The following PCLO variants were observed in gnomAD, a reference collection of about 807,000 sequenced individuals.
PCLO encodes the protein piccolo presynaptic cytomatrix protein, also known as protein piccolo.
Under a neutral mutation model 427.5 loss-of-function variants are expected in PCLO, and 82 were observed. That is an observed-to-expected ratio of 0.19 (90% confidence interval 0.16 to 0.23). The LOEUF is 0.23. Among genes scored for constraint, PCLO ranks in the 10% least tolerant of loss-of-function variants. The probability of loss-of-function intolerance (pLI) is 1.00; values close to 1 mark genes in which losing one functional copy is unlikely to be tolerated. For missense variants in PCLO, 6,239 were observed against 6,115.9 expected (o/e 1.02, Z -0.67); for synonymous variants, 2,357 against 2,155.4 (o/e 1.09, Z -2.59).
At chr7:83,095,773 T>G (rs1584016891) in intron 3 of PCLO, among the ~76,000 whole-genome samples, 2 of 152,114 alleles carry the variant, frequency 1.3e-5, no homozygotes. Flanking sequence ...TGTATTTCCA[T>G]GTAGCTAGAG....
chr7:83,044,161 A>C (rs1356392957), intron 3 of PCLO, among the ~76,000 whole-genome samples: 4 of 151,964 alleles, frequency 2.6e-5, no homozygotes, highest in Admixed American at 1.3e-4. Context: ...GGAAACTGCC[A>C]CTTTTAAAAC....
At position 82,949,643 on chromosome 7, in the gene PCLO, C is replaced by T. The variant is rs765735557; in HGVS notation, c.10945G>A (p.Asp3649Asn). The change falls in exon 6 of 25, where the codon GAT (aspartate) becomes AAT (asparagine). Residue 3649 changes from aspartate to asparagine, a missense_variant. By Grantham distance (23) the Asp-to-Asn change is conservative. This residue lies in a region of PCLO where 4,677 missense variants were observed against 4,468.4 expected (regional missense o/e 1.05). Transcript: ENST00000333891. ...AGTACTTTCTGTGGACTTATATCATCAGGGAGGGGTTTTTCATAAGGTACA... is the reference window on the plus strand; with the variant it reads ...AGTACTTTCTGTGGACTTATATCATTAGGGAGGGGTTTTTCATAAGGTACA... ...AFVPYEKPLP[D>N]DISPQKVLHP... The T allele has an allele frequency of 5.6e-6, 9 of 1,613,672 alleles. No individual in the cohort carries two copies. The Admixed American group carries it at 1.3e-4, about 24-fold the overall frequency.
intron 3 of PCLO, among the ~76,000 whole-genome samples, chr7:83,089,108 AG>A (rs1790311993): frequency 6.6e-6 from 1 of 151,950 alleles, no homozygotes; most frequent in South Asian, 2.1e-4. Flanking sequence ...TTTGGAAAGA[AG>A]GTATTCTCAT....
intron 3 of PCLO, among the ~76,000 whole-genome samples, chr7:83,118,057 G>A (rs1001604792): frequency 3.9e-5 from 6 of 152,100 alleles, no homozygotes; most frequent in African/African-American, 1.4e-4. Flanking sequence ...ACAAATCAGA[G>A]TACAAAGGAT....
Position 82,954,700 on chromosome 7 carries a change from C to A in PCLO, c.6253G>T (p.Ala2085Ser), listed in dbSNP as rs1432005692. The change falls in exon 5 of 25, where the codon GCC becomes TCC. Residue 2085 changes from alanine (A) to serine (S), a missense_variant. Ala to Ser is a moderately conservative substitution (Grantham distance 99). Transcript: ENST00000333891. Reference sequence around the variant, plus strand: ...TCTGTCATATCCTCACCAATGGGGGCCTGGGTTGGGCTAGATCCAGGTGTT... The same window carrying A: ...TCTGTCATATCCTCACCAATGGGGGACTGGGTTGGGCTAGATCCAGGTGTT... ...QLTPGSSPTQ[A>S]PIGEDMTEST... 1 of 1,613,684 alleles carries A rather than the reference C, an allele frequency of 6.2e-7. No homozygotes were observed. Among genetic ancestry groups the A allele is most frequent in the East Asian group, 2.2e-5 (1 of 44,880 alleles).
At chr7:83,117,673 T>C (rs538158189) in intron 3 of PCLO, among the ~76,000 whole-genome samples, 1 of 152,248 alleles carries the variant, frequency 6.6e-6, no homozygotes, top group South Asian at 2.1e-4. Flanking sequence ...CCATATTGCA[T>C]CACCCCCATG....
chr7:83,072,090 T>TA (rs1407147169), intron 3 of PCLO, among the ~76,000 whole-genome samples: 1 of 151,914 alleles, frequency 6.6e-6, no homozygotes, highest in Non-Finnish European at 1.5e-5. Flanking sequence ...AAACATTTTC[T>TA]AAAAAACAAT....
chr7:82,923,886 T>C (rs1174783222), intron 6 of PCLO, among the ~76,000 whole-genome samples: 1 of 152,024 alleles, frequency 6.6e-6, no homozygotes, highest in African/African-American at 2.4e-5. Flanking sequence ...GACCAGATGA[T>C]TCTATATTGT....
intron 3 of PCLO, among the ~76,000 whole-genome samples, chr7:82,968,709 G>A (rs555193773): frequency 5.9e-4 from 90 of 151,842 alleles, no homozygotes; most frequent in African/African-American, 2.0e-3. Context: ...TAGTAGAGAC[G>A]GGGTTTCACC....
At position 83,152,200 on chromosome 7, in the gene PCLO, G is replaced by A. The variant is rs377615971; in HGVS notation, c.1893+2548C>T. Among the ~76,000 whole-genome samples, 3 of 152,118 alleles carry A rather than the reference G, an allele frequency of 2.0e-5. No individual in the cohort carries two copies. The South Asian group carries it at 6.2e-4, about 32-fold the overall frequency. ...AGGATGGTCTCAATCTCCTGACCTC[G>A]TGATCTGCCCGCCTCGGCCTCCCAA... On this transcript the variant is annotated intron_variant, in intron 2 of 24. Coordinates refer to ENST00000333891, the MANE Select transcript of PCLO (RefSeq NM_033026.6).
At position 82,950,252 on chromosome 7, in the gene PCLO, G is replaced by C. The variant is rs1562875903; in HGVS notation, c.10336C>G (p.Gln3446Glu). The C allele has an allele frequency of 1.2e-6, 2 of 1,613,000 alleles. No individual in the cohort carries two copies. Among genetic ancestry groups the C allele is most frequent in the East Asian group, 2.2e-5 (1 of 44,822 alleles). Reference protein sequence around the residue: ...SFKKIVDSGVQTDDEDATDRS... With the variant: ...SFKKIVDSGVETDDEDATDRS... ...TCTGTGGCATCTTCGTCATCCGTTT[G>C]TACACCACTGTCCACTATCTTTTTA... The change falls in exon 6 of 25, where the codon CAA becomes GAA. Residue 3446 changes from glutamine (Q) to glutamate (E), a missense_variant. Gln to Glu is a conservative substitution (Grantham distance 29). Around this residue, in one of 5 missense-constraint regions of PCLO, gnomAD observed 4,677 missense variants for 4,468.4 expected, o/e 1.05. Coordinates refer to ENST00000333891, the MANE Select transcript of PCLO (RefSeq NM_033026.6).
chr7:82,926,758 G>T (rs1402501736), intron 6 of PCLO, among the ~76,000 whole-genome samples: 3 of 152,114 alleles, frequency 2.0e-5, no homozygotes, highest in African/African-American at 7.2e-5. Flanking sequence ...ATATTTTCTG[G>T]AAAGTCCCAA....
intron 14 of PCLO, 35 bp downstream of exon 14, chr7:82,841,424 G>A (rs779229186): frequency 1.5e-6 from 2 of 1,371,922 alleles, no homozygotes; most frequent in Non-Finnish European, 2.1e-6. Flanking sequence ...ACCAAAAAAG[G>A]TTATATAATG....
At chr7:82,970,784 A>G (rs796474847) in intron 3 of PCLO, among the ~76,000 whole-genome samples, 1 of 151,910 alleles carries the variant, frequency 6.6e-6, no homozygotes, top group Non-Finnish European at 1.5e-5. Context: ...ATCTAGGTAA[A>G]ATACAAAGAG....
At chr7:82,902,055 A>G (rs1448053677) in intron 9 of PCLO, among the ~76,000 whole-genome samples, 1 of 151,826 alleles carries the variant, frequency 6.6e-6, no homozygotes, top group Non-Finnish European at 1.5e-5. Flanking sequence ...ATATCATTTG[A>G]CCCAGCCATC....
At chr7:82,854,603 A>G (rs1792753484) in intron 10 of PCLO, among the ~76,000 whole-genome samples, 2 of 152,244 alleles carry the variant, frequency 1.3e-5, no homozygotes, top group South Asian at 2.1e-4. Context: ...TTTTATATTG[A>G]ATATAAAATG....
intron 3 of PCLO, among the ~76,000 whole-genome samples, chr7:82,985,441 T>C (rs1375400018): frequency 6.6e-6 from 1 of 152,052 alleles, no homozygotes; most frequent in African/African-American, 2.4e-5. Context: ...AGCCAATTAA[T>C]TGGAGAGCCA....
chr7:82,849,859 C>T (rs1036466287), intron 10 of PCLO, among the ~76,000 whole-genome samples: 1 of 151,904 alleles, frequency 6.6e-6, no homozygotes, highest in Non-Finnish European at 1.5e-5. Context: ...GAAAATATTA[C>T]CCATGTGAAT....
intron 3 of PCLO, among the ~76,000 whole-genome samples, chr7:82,993,630 A>G (rs535716864): frequency 2.0e-5 from 3 of 152,032 alleles, no homozygotes; most frequent in Non-Finnish European, 1.5e-5. Context: ...AGTCATCAAA[A>G]TGTGATTGCA....
Sources: gnomAD v4.1 joint callset for allele counts (sites outside exome capture counted in the v4.1 genomes callset) on GRCh38, gnomAD v4.1.1 for gene constraint, gnomAD v4.1.1 regional missense constraint, MANE v1.5 for transcripts, NCBI Gene and HGNC (gene_info 2026-07-23, HGNC 2026-07-21) for gene names.